CNTNAP5: variants seen among roughly 807,000 people sequenced by gnomAD.
CNTNAP5 encodes contactin associated protein family member 5, also known as contactin-associated protein-like 5.
Under a neutral mutation model 150.2 loss-of-function variants are expected in CNTNAP5, and 72 were observed. The observed-to-expected ratio is 0.48, with a 90% confidence interval of 0.40 to 0.58. The LOEUF is 0.58. CNTNAP5 is among the 20% of genes least tolerant of loss of function. CNTNAP5 has a pLI of 0.00. For synonymous variants in CNTNAP5, 672 were observed against 619.8 expected (o/e 1.08, Z -1.25); for missense variants, 1,636 against 1,626.2 (o/e 1.01, Z -0.10).
intron 3 of CNTNAP5, among the ~76,000 whole-genome samples, chr2:124,301,559 C>T (rs1688567923): frequency 1.3e-5 from 2 of 152,166 alleles, no homozygotes; most frequent in Non-Finnish European, 2.9e-5. Context: ...TGCTATGTGA[C>T]ACTCATGTAC....
chr2:124,270,347 T>A (rs954165464), intron 3 of CNTNAP5, among the ~76,000 whole-genome samples: 3 of 151,978 alleles, frequency 2.0e-5, no homozygotes, highest in Non-Finnish European at 2.9e-5. Context: ...TTTTAAATAA[T>A]CAGATGTCAA....
chr2:124,536,706 C>T (rs149904410), intron 10 of CNTNAP5, among the ~76,000 whole-genome samples: 3 of 152,104 alleles, frequency 2.0e-5, no homozygotes, highest in East Asian at 3.9e-4. Context: ...CAGAGCGGGC[C>T]AGGGAGGGGG....
At chr2:124,914,003 C>T (rs764103213) in intron 23 of CNTNAP5, 89 bp from the exon 24 acceptor site, 20 of 889,358 alleles carry the variant, frequency 2.2e-5, no homozygotes, top group Middle Eastern at 2.6e-4. Flanking sequence ...TTCTCTCCTA[C>T]GCATTCCCCT....
At chr2:124,572,238 A>G (rs558584491) in intron 11 of CNTNAP5, among the ~76,000 whole-genome samples, 2 of 152,020 alleles carry the variant, frequency 1.3e-5, no homozygotes, top group South Asian at 4.2e-4. Context: ...TGGGAGGGAG[A>G]GATCTGAGCA....
intron 13 of CNTNAP5, among the ~76,000 whole-genome samples, chr2:124,741,328 C>A (rs960129579): frequency 2.0e-5 from 3 of 152,082 alleles, no homozygotes; most frequent in Non-Finnish European, 4.4e-5. Context: ...CGGGAAGAGG[C>A]CAGATTCTCT....
chr2:124,157,109 A>C (rs896146138), intron 1 of CNTNAP5, among the ~76,000 whole-genome samples: 1 of 152,144 alleles, frequency 6.6e-6, no homozygotes, highest in African/African-American at 2.4e-5. Flanking sequence ...TCAAGTGTAA[A>C]ATGAAGAACG....
chr2:124,510,928 T>A (rs959151926), intron 8 of CNTNAP5, among the ~76,000 whole-genome samples: 7 of 152,164 alleles, frequency 4.6e-5, no homozygotes, highest in Admixed American at 1.3e-4. Flanking sequence ...ACCTAATTTA[T>A]ATATTTTAAG....
At chr2:124,750,970 G>T (rs993670044) in intron 14 of CNTNAP5, among the ~76,000 whole-genome samples, 4 of 118,272 alleles carry the variant, frequency 3.4e-5, no homozygotes, top group African/African-American at 1.3e-4. Flanking sequence ...GTGACAGATT[G>T]AGACTCCATC....
At chr2:124,900,271 A>G (rs1678388677) in intron 21 of CNTNAP5, among the ~76,000 whole-genome samples, 1 of 151,610 alleles carries the variant, frequency 6.6e-6, no homozygotes, top group Non-Finnish European at 1.5e-5. Context: ...TGTTTTTATC[A>G]AATTATTATA....
chr2:124,678,533 G>A (rs1678995030), intron 13 of CNTNAP5, among the ~76,000 whole-genome samples: 1 of 151,618 alleles, frequency 6.6e-6, no homozygotes, highest in South Asian at 2.1e-4. Context: ...AGAATGTGAG[G>A]GTTTGGACCT....
chr2:124,183,428 C>A (rs1410256070), intron 1 of CNTNAP5, among the ~76,000 whole-genome samples: 3 of 152,140 alleles, frequency 2.0e-5, no homozygotes, highest in Admixed American at 6.5e-5. Flanking sequence ...GAAATACATT[C>A]AAGTCTTGTG....
chr2:124,518,408 A>G (rs774688891), intron 8 of CNTNAP5, among the ~76,000 whole-genome samples: 2 of 152,208 alleles, frequency 1.3e-5, no homozygotes, highest in African/African-American at 4.8e-5. Context: ...TTCAGAAGCT[A>G]GGTGATTCAC....
At chr2:124,537,612 G>A (rs1021842406) in intron 10 of CNTNAP5, among the ~76,000 whole-genome samples, 2 of 152,102 alleles carry the variant, frequency 1.3e-5, no homozygotes, top group African/African-American at 4.8e-5. Context: ...TGTTCCATCT[G>A]GAACTGCCCA....
At chr2:124,236,177 A>C (rs1227710211) in intron 2 of CNTNAP5, among the ~76,000 whole-genome samples, 1 of 151,942 alleles carries the variant, frequency 6.6e-6, no homozygotes, top group Non-Finnish European at 1.5e-5. Context: ...TGTTGGCCAC[A>C]CTGGTCTTGA....
At chr2:124,251,995 C>CT (rs1289549306) in intron 3 of CNTNAP5, among the ~76,000 whole-genome samples, 1 of 152,156 alleles carries the variant, frequency 6.6e-6, no homozygotes, top group East Asian at 1.9e-4. Flanking sequence ...ATGAAGCATT[C>CT]TGCATGTAGA....
Position 124,410,728 on chromosome 2 carries a change from C to T in CNTNAP5, c.382-6715C>T, listed in dbSNP as rs111277933. Among the ~76,000 whole-genome samples, 273 of 151,754 alleles carry T rather than the reference C, an allele frequency of 1.8e-3. 2 individuals carry two copies. The highest frequency in any genetic ancestry group is 3.1e-3 in the Non-Finnish European group (213 of 67,904). On this transcript the variant is annotated intron_variant, in intron 3 of 23. Transcript: ENST00000682447. The stretch of plus-strand genomic sequence containing the variant: ...CAGAATCTCTGGGACGCATTCAGAG[C>T]AGTGTGTAGAGGGAAATTTATAGCA...
chr2:124,126,091 C>T (rs1411601643), intron 1 of CNTNAP5, among the ~76,000 whole-genome samples: 2 of 151,974 alleles, frequency 1.3e-5, no homozygotes, highest in Admixed American at 6.6e-5. Flanking sequence ...GATAGAGACA[C>T]AAAAAACCCT....
intron 1 of CNTNAP5, among the ~76,000 whole-genome samples, chr2:124,098,407 T>C (rs1205584383): frequency 1.3e-5 from 2 of 152,140 alleles, no homozygotes; most frequent in Admixed American, 6.6e-5. Flanking sequence ...TCCATGCAGT[T>C]CTGACCTGTG....
rs575611564 is a variant in CNTNAP5 at position 124,606,738 on chromosome 2, A to G, written c.1757-3063A>G. ...CAGGCAAAGAAAAAAGAGCTGGTGC[A>G]GGGAAACTCTCCCTTTTAAAAATGA... On this transcript the variant is annotated intron_variant, in intron 11 of 23. Coordinates refer to ENST00000682447, the MANE Select transcript of CNTNAP5 (RefSeq NM_001367498.1). Among the ~76,000 whole-genome samples the G allele has an allele frequency of 3.3e-5, 5 of 152,324 alleles. No individual in the cohort carries two copies. The East Asian group carries it at 9.7e-4, about 29-fold the overall frequency.
Sources: allele counts gnomAD v4.1 joint callset (sites outside exome capture counted in the v4.1 genomes callset), GRCh38; gene constraint gnomAD v4.1.1; transcripts MANE v1.5; gene names NCBI Gene and HGNC (gene_info 2026-07-23, HGNC 2026-07-21).